The following ZEB2 variants were observed in gnomAD, a reference collection of about 807,000 sequenced individuals.
ZEB2 encodes the protein zinc finger E-box binding homeobox 2, also known as zinc finger E-box-binding homeobox 2.
A neutral mutation model predicts 99.9 loss-of-function variants in ZEB2; 6 were observed. The observed-to-expected ratio is 0.06, with a 90% confidence interval of 0.03 to 0.12. The LOEUF is 0.12. Among genes scored for constraint, ZEB2 ranks in the 10% least tolerant of loss-of-function variants. The pLI is 1.00. For missense variants in ZEB2, 969 were observed against 1,502.8 expected, an observed-to-expected ratio of 0.64 and a Z score of 5.87; for synonymous variants, 517 against 542.5, an observed-to-expected ratio of 0.95 and a Z score of 0.65.
intron 1 of ZEB2, chr2:144,517,920 A>G: frequency 2.8e-6 from 1 of 353,068 alleles, no homozygotes; most frequent in Middle Eastern, 8.9e-4. Context: ...TGATAATAGT[A>G]ATTATAGGAA....
chr2:144,470,813 C>T (rs1454613823), intron 2 of ZEB2, among the ~76,000 whole-genome samples: 1 of 152,088 alleles, frequency 6.6e-6, no homozygotes, highest in Non-Finnish European at 1.5e-5. Flanking sequence ...TGGAACAAGA[C>T]CCCTACACTT....
At chr2:144,502,544 A>G (rs930124263) in intron 2 of ZEB2, among the ~76,000 whole-genome samples, 3 of 152,182 alleles carry the variant, frequency 2.0e-5, no homozygotes, top group African/African-American at 7.2e-5. Context: ...TCCTTCAAGC[A>G]GAGAGCTGCC....
At chr2:144,515,516 AAGAG>A (rs1190911493) in intron 2 of ZEB2, among the ~76,000 whole-genome samples, 2 of 134,180 alleles carry the variant, frequency 1.5e-5, no homozygotes, top group Admixed American at 7.2e-5. Flanking sequence ...AAATTAAATT[AAGAG>A]AGAGAGAGAG....
chr2:144,407,261 G>A (rs538775099), intron 4 of ZEB2, among the ~76,000 whole-genome samples: 34 of 152,284 alleles, frequency 2.2e-4, no homozygotes, highest in Admixed American at 8.5e-4. Context: ...TTCCAAGACC[G>A]TATTTCCCTC....
chr2:144,493,447 C>G (rs971841994), intron 2 of ZEB2, among the ~76,000 whole-genome samples: 2 of 152,200 alleles, frequency 1.3e-5, no homozygotes, highest in Admixed American at 1.3e-4. Context: ...CACCCAGGGG[C>G]ACATGGCATG....
chr2:144,412,342 T>C (rs1220251897), intron 4 of ZEB2, among the ~76,000 whole-genome samples: 2 of 152,204 alleles, frequency 1.3e-5, no homozygotes, highest in Non-Finnish European at 2.9e-5. Context: ...ACCTAAAAAT[T>C]TGGAATTGGC....
rs730881204 is a variant in ZEB2, at chr2:144,389,759, A to T, written c.3337T>A (p.Leu1113Met). 3.7e-6 allele frequency: 6 copies of T among 1,608,810 alleles called. No individual in the cohort carries two copies. Among genetic ancestry groups the T allele is most frequent in the Non-Finnish European group, 5.1e-6 (6 of 1,176,446 alleles). ...PTELLMNRAY[L>M]QSITPQGYSD... Reference sequence around the variant, plus strand: ...TACCCCTGAGGGGTAATGCTCTGCAAGTAAGCCCGGTTCATCAGCAGCTCG... The same window carrying T: ...TACCCCTGAGGGGTAATGCTCTGCATGTAAGCCCGGTTCATCAGCAGCTCG... Residue 1113 changes from leucine to methionine, a missense_variant, in exon 10 of 10, where the codon TTG (leucine) becomes ATG (methionine). By Grantham distance (15) the Leu-to-Met change is conservative (BLOSUM62 2). Around this residue, in one of 8 missense-constraint regions of ZEB2, gnomAD observed 121 missense variants for 166.4 expected, o/e 0.73. Coordinates refer to ENST00000627532, the MANE Select transcript of ZEB2 (RefSeq NM_014795.4). This position sits in a 1 kb window ranked among gnomAD's most constrained non-coding sequence, Gnocchi z 6.8.
At chr2:144,431,578 A>T (rs1444979936) in intron 2 of ZEB2, among the ~76,000 whole-genome samples, 1 of 151,994 alleles carries the variant, frequency 6.6e-6, no homozygotes, top group African/African-American at 2.4e-5. Context: ...CCTGGTTTGA[A>T]TACCAATTGA....
intron 4 of ZEB2, among the ~76,000 whole-genome samples, chr2:144,417,125 C>G (rs997201941): frequency 2.0e-5 from 3 of 152,168 alleles, no homozygotes; most frequent in African/African-American, 7.2e-5. Flanking sequence ...TGATGACTAA[C>G]AAAATGCCTT....
intron 2 of ZEB2, chr2:144,513,387 C>T (rs1016642357): frequency 8.3e-5 from 112 of 1,351,680 alleles, no homozygotes; most frequent in Non-Finnish European, 1.0e-4. Flanking sequence ...TAAAAAGCTC[C>T]CCTTCTCCTT....
chr2:144,492,426 C>A (rs1443264988), intron 2 of ZEB2, among the ~76,000 whole-genome samples: 1 of 152,206 alleles, frequency 6.6e-6, no homozygotes. Flanking sequence ...ACATTAATCA[C>A]CTACTATGTG....
chr2:144,460,492 G>GCC (rs1704177624), intron 2 of ZEB2, among the ~76,000 whole-genome samples: 1 of 152,014 alleles, frequency 6.6e-6, no homozygotes, highest in African/African-American at 2.4e-5. Context: ...CCCAGGATTT[G>GCC]CCCTACAACT....
chr2:144,492,096 A>G (rs941750766), intron 2 of ZEB2, among the ~76,000 whole-genome samples: 1 of 152,234 alleles, frequency 6.6e-6, no homozygotes, highest in African/African-American at 2.4e-5. Context: ...TGAGATACCC[A>G]AGCACAGAAT....
chr2:144,504,644 A>G (rs1462537407), intron 2 of ZEB2: 1 of 152,234 alleles, frequency 6.6e-6, no homozygotes, highest in Non-Finnish European at 1.5e-5. Context: ...CTGCGAGAAA[A>G]AAAACAACAA....
intron 2 of ZEB2, among the ~76,000 whole-genome samples, chr2:144,498,532 A>C (rs1234743349): frequency 6.6e-6 from 1 of 152,132 alleles, no homozygotes; most frequent in Non-Finnish European, 1.5e-5. Context: ...CGTCATCATC[A>C]CAGTTAGTGG....
At position 144,387,203 on chromosome 2, in the gene ZEB2, T is replaced by G. The variant is rs1210660647; in HGVS notation, c.*2248A>C. 2 of 152,014 alleles carry G rather than the reference T, an allele frequency of 1.3e-5. No individual in the cohort carries two copies. The highest frequency in any genetic ancestry group is 2.9e-5 in the Non-Finnish European group (2 of 67,998). The allele number at this position is 152,014 out of a possible 1,614,324, so 9.4% of individuals were successfully genotyped here. Reference sequence around the variant, plus strand: ...CAACTGGAAATATCATACTCAAAATTTTAGCAAATTTAATAGCAAAATGAT... The same window carrying G: ...CAACTGGAAATATCATACTCAAAATGTTAGCAAATTTAATAGCAAAATGAT... On this transcript the variant is annotated 3_prime_UTR_variant, in exon 10 of 10. Coordinates refer to ENST00000627532, the MANE Select transcript of ZEB2 (RefSeq NM_014795.4).
intron 2 of ZEB2, among the ~76,000 whole-genome samples, chr2:144,470,836 C>A (rs977361051): frequency 6.6e-6 from 1 of 152,118 alleles, no homozygotes; most frequent in Non-Finnish European, 1.5e-5. Flanking sequence ...CATTCTAAGG[C>A]TCTCTTTCTT....
chr2:144,399,789 A>G lies in ZEB2; in HGVS notation c.1398T>C (p.Ile466=), dbSNP rs1560607149. The G allele has an allele frequency of 1.2e-6, 2 of 1,613,996 alleles. No individual in the cohort carries two copies. Among genetic ancestry groups the G allele is most frequent in the East Asian group, 2.2e-5 (1 of 44,890 alleles). ...TTTGCCTGGAAACAGTATTGTCCAC[A>G]ATCTGTAGAACCTTTTGTACCTCAC... ...NLSEVQKVLQ[I]VDNTVSRQKM... is the part of the protein sequence containing the mutation. Residue 466 remains isoleucine (I), a synonymous_variant, in exon 8 of 10, where the codon ATT becomes ATC. Coordinates refer to ENST00000627532, the MANE Select transcript of ZEB2 (RefSeq NM_014795.4). This position sits in a 1 kb window ranked among gnomAD's most constrained non-coding sequence, Gnocchi z 5.6.
intron 4 of ZEB2, among the ~76,000 whole-genome samples, chr2:144,408,554 C>T (rs1703416745): frequency 1.3e-5 from 2 of 152,176 alleles, no homozygotes; most frequent in African/African-American, 4.8e-5. Flanking sequence ...TCTCACATAC[C>T]TAGGGTCACT....
Sources: allele counts gnomAD v4.1 joint callset (sites outside exome capture counted in the v4.1 genomes callset), GRCh38; gene constraint gnomAD v4.1.1; regional missense constraint gnomAD v4.1.1; non-coding constraint Gnocchi (gnomAD v3.1); transcripts MANE v1.5; gene names NCBI Gene and HGNC (gene_info 2026-07-23, HGNC 2026-07-21).